The following TOR4A variants were observed in gnomAD, a reference collection of about 807,000 sequenced individuals.
The protein encoded by TOR4A is torsin family 4 member A, also known as torsin-4A.
Under a neutral mutation model 11.5 loss-of-function variants are expected in TOR4A, and 12 were observed. The ratio of observed to expected loss-of-function variants is 1.04; its 90% CI spans 0.67 to 1.69. The LOEUF (loss-of-function observed/expected upper bound fraction) is 1.69, where lower values mean the gene tolerates loss of function less well. TOR4A is among the 40% of genes most tolerant of loss of function. The pLI is 0.00. For synonymous variants in TOR4A, 362 were observed against 307.4 expected, an observed-to-expected ratio of 1.18 and a Z score of -1.86; for missense variants, 640 against 643.2, an observed-to-expected ratio of 0.99 and a Z score of 0.05.
rs762596174 is a variant in TOR4A, at chr9:137,279,401, G to A, written c.712G>A (p.Asp238Asn). Residue 238 changes from aspartate (D) to asparagine (N), a missense_variant, in exon 2 of 2, where the codon GAC (aspartate) becomes AAC (asparagine). Transcript: ENST00000357503. ...CTGCCCCGAGGCGCGCGCCGCACAG[G>A]ACTGCCGCGAGGAGCTGGCGCGGCG... ...HHCPEARAAQ[D>N]CREELARRVA... 8.5e-6 allele frequency: 13 copies of A among 1,533,288 alleles called. No homozygotes were observed. Among genetic ancestry groups the A allele is most frequent in the Non-Finnish European group, 1.1e-5 (13 of 1,141,516 alleles). The allele number at this position is 1,533,288 out of a possible 1,614,324, so 95.0% of individuals were successfully genotyped here.
rs1467979234 is a variant in TOR4A at position 137,278,869 on chromosome 9, G to A, written c.180G>A (p.Pro60=). ...ACGTCGGGACCGGGGCGCCCAGGCC[G>A]GGCTGCAGCCCCCGGGCACCGCGCG... ...GPDVGTGAPR[P]GCSPRAPRAD... is the part of the protein sequence containing the mutation. The change falls in exon 2 of 2, where the codon CCG becomes CCA. Residue 60 remains proline, a synonymous_variant. Coordinates refer to ENST00000357503, the MANE Select transcript of TOR4A (RefSeq NM_017723.3). 2 of 1,534,808 alleles carry A rather than the reference G, an allele frequency of 1.3e-6. No homozygotes were observed. Among genetic ancestry groups the A allele is most frequent in the South Asian group, 1.2e-5 (1 of 84,086 alleles).
Position 137,279,346 on chromosome 9 carries a change from G to C in TOR4A, c.657G>C (p.Ala219=). The C allele has an allele frequency of 1.3e-6, 2 of 1,531,846 alleles. No homozygotes were observed. Among genetic ancestry groups the C allele is most frequent in the Non-Finnish European group, 8.7e-7 (1 of 1,143,318 alleles). The allele number at this position is 1,531,846 out of a possible 1,614,324, so 94.9% of individuals were successfully genotyped here. ...TCCGCTCGGTGCTGGAGGACAGCGCGCTCGTGCTGCAATACCATGCGCGGC... is the reference window on the plus strand; with the variant it reads ...TCCGCTCGGTGCTGGAGGACAGCGCCCTCGTGCTGCAATACCATGCGCGGC... ...RHFRSVLEDS[A]LVLQYHARHH... Residue 219 remains alanine, a synonymous_variant, in exon 2 of 2, where the codon GCG becomes GCC. Transcript: ENST00000357503.
Position 137,279,735 on chromosome 9 carries a change from C to A in TOR4A, c.1046C>A (p.Ser349Tyr). The A allele has an allele frequency of 6.3e-7, 1 of 1,580,542 alleles. No homozygotes were observed. Residue 349 changes from serine to tyrosine, a missense_variant, in exon 2 of 2, where the codon TCC becomes TAC. Ser to Tyr is a moderately radical substitution (Grantham distance 144). Coordinates refer to ENST00000357503, the MANE Select transcript of TOR4A (RefSeq NM_017723.3). ...CGCGCCAGCCTGCTGGCTGTGCTGT[C>A]CCGGGAGCATCCGCTGTGGCAGGCC... Reference protein sequence around the residue: ...DLRASLLAVLSREHPLWQAAA... With the variant: ...DLRASLLAVLYREHPLWQAAA...
rs1263394307 is a variant in TOR4A, at chr9:137,279,365, G to C, written c.676G>C (p.Ala226Pro). 4.6e-6 allele frequency: 7 copies of C among 1,526,638 alleles called. No homozygotes were observed. The highest frequency in any genetic ancestry group is 6.1e-6 in the Non-Finnish European group (7 of 1,139,608). 94.6% of individuals were successfully genotyped at this position (1,526,638 alleles called of 1,614,324 possible). ...CAGCGCGCTCGTGCTGCAATACCAT[G>C]CGCGGCACCACTGCCCCGAGGCGCG... ...EDSALVLQYHARHHCPEARAA... is the reference protein window; with the variant it reads ...EDSALVLQYHPRHHCPEARAA... Residue 226 changes from alanine to proline, a missense_variant, in exon 2 of 2, where the codon GCG becomes CCG. Ala to Pro is a conservative substitution (Grantham distance 27). Transcript: ENST00000357503.
chr9:137,280,186 C>T lies in TOR4A; in HGVS notation c.*225C>T, dbSNP rs1830698291. 6.6e-6 allele frequency: 4 copies of T among 609,012 alleles called. No homozygotes were observed. Among genetic ancestry groups the T allele is most frequent in the South Asian group, 4.5e-5 (2 of 44,800 alleles). The allele number at this position is 609,012 out of a possible 1,614,324, so 37.7% of individuals were successfully genotyped here. ...CAGCCACCTCCCTCCCAAACTTGCC[C>T]ATTGCCCTGCTGGGCGTCCCAGGCA... On this transcript the variant is annotated 3_prime_UTR_variant, in exon 2 of 2. Coordinates refer to ENST00000357503, the MANE Select transcript of TOR4A (RefSeq NM_017723.3).
chr9:137,280,288 C>T lies in TOR4A; in HGVS notation c.*327C>T. 1 of 395,220 alleles carries T rather than the reference C, an allele frequency of 2.5e-6. No individual in the cohort carries two copies. The highest frequency in any genetic ancestry group is 4.2e-5 in the East Asian group (1 of 23,848). The allele number at this position is 395,220 out of a possible 1,614,324, so 24.5% of individuals were successfully genotyped here. A position where few individuals can be genotyped will look rare whatever the true frequency, so the allele number is the denominator to read the frequency against. On this transcript the variant is annotated 3_prime_UTR_variant, in exon 2 of 2. Transcript: ENST00000357503. ...AGGATGATCTCAGGGCCAACAATTC[C>T]CGGGGTCACACAGCTGGGACGTGAC... is the stretch of plus-strand genomic sequence containing the variant.
At chr9:137,278,529 G>T (rs1192130235) in intron 1 of TOR4A, 124 bp from the exon 2 acceptor site, 1 of 628,140 alleles carries the variant, frequency 1.6e-6, no homozygotes, top group African/African-American at 1.9e-5. Flanking sequence ...CTGGCCCTGG[G>T]GCAGCCCGGG....
intron 1 of TOR4A, 70 bp from the exon 2 acceptor site, chr9:137,278,583 C>A (rs949556928): frequency 2.7e-6 from 3 of 1,098,342 alleles, no homozygotes; most frequent in African/African-American, 3.3e-5. Context: ...ACTCCGGGGA[C>A]CGGTTCCGGC....
chr9:137,279,271 G>A lies in TOR4A; in HGVS notation c.582G>A (p.Gly194=), dbSNP rs200116009. 65 of 1,535,282 alleles carry A rather than the reference G, an allele frequency of 4.2e-5. No homozygotes were observed. Among genetic ancestry groups the A allele is most frequent in the Non-Finnish European group, 5.2e-5 (60 of 1,144,840 alleles). Residue 194 remains glycine, a synonymous_variant, in exon 2 of 2, where the codon GGG becomes GGA. Transcript: ENST00000357503. The stretch of plus-strand genomic sequence containing the variant: ...GTCCGCTCCTCCTGGCGCTGCACGG[G>A]CCCAGTGGCGTGGGCAAGAGCCACG... ...HSRPLLLALH[G]PSGVGKSHVG...
intron 1 of TOR4A, 81 bp from the exon 2 acceptor site, chr9:137,278,572 C>T: frequency 3.9e-6 from 4 of 1,015,084 alleles, no homozygotes; most frequent in African/African-American, 3.4e-5. Context: ...GGGGTAAGAT[C>T]ACTCCGGGGA....
chr9:137,280,244 G>A lies in TOR4A; in HGVS notation c.*283G>A, dbSNP rs183993367. 1.1e-4 allele frequency: 58 copies of A among 541,638 alleles called. No homozygotes were observed. The highest frequency in any genetic ancestry group is 1.1e-3 in the African/African-American group (56 of 52,964). 33.6% of individuals were successfully genotyped at this position (541,638 alleles called of 1,614,324 possible). On this transcript the variant is annotated 3_prime_UTR_variant, in exon 2 of 2. Transcript: ENST00000357503. ...GTGCGTTCTCCCTGTGGCCCCAAGA[G>A]GTGGGTTCCCATGGTACAAGGATGA...
Position 137,279,951 on chromosome 9 carries a change from A to T in TOR4A, c.1262A>T (p.Asn421Ile). Residue 421 changes from asparagine (N) to isoleucine (I), a missense_variant, in exon 2 of 2, where the codon AAC becomes ATC. Coordinates refer to ENST00000357503, the MANE Select transcript of TOR4A (RefSeq NM_017723.3). ...TGCKQVVATV[N>I]LL ...TGCAAGCAGGTGGTGGCCACGGTGA[A>T]CCTCCTGTAGTGGAGGCGCAGGACG... 6.3e-7 allele frequency: 1 copy of T among 1,577,708 alleles called. No individual in the cohort carries two copies. The highest frequency in any genetic ancestry group is 2.3e-5 in the East Asian group (1 of 42,936).
Position 137,279,219 on chromosome 9 carries a change from A to G in TOR4A, c.530A>G (p.Asp177Gly). 8 of 1,544,464 alleles carry G rather than the reference A, an allele frequency of 5.2e-6. No individual in the cohort carries two copies. The highest frequency in any genetic ancestry group is 7.0e-6 in the Non-Finnish European group (8 of 1,145,032). The change falls in exon 2 of 2, where the codon GAC becomes GGC. Residue 177 changes from aspartate (D) to glycine (G), a missense_variant. Physicochemically the swap from Asp to Gly is moderately conservative, Grantham distance 94. Transcript: ENST00000357503. ...AVSRIVALMR[D>G]YLATHVHSRP... Reference sequence around the variant, plus strand: ...TCGCGCATCGTGGCGCTGATGCGGGACTACCTGGCCACGCATGTGCACAGT... The same window carrying G: ...TCGCGCATCGTGGCGCTGATGCGGGGCTACCTGGCCACGCATGTGCACAGT...
In TOR4A at chr9:137,279,739, G is replaced by A. The variant is rs1218685657; in HGVS notation, c.1050G>A (p.Arg350=). Residue 350 remains arginine (R), a synonymous_variant, in exon 2 of 2, where the codon CGG becomes CGA. Transcript: ENST00000357503. ...CCAGCCTGCTGGCTGTGCTGTCCCG[G>A]GAGCATCCGCTGTGGCAGGCCGCGG... ...LRASLLAVLS[R]EHPLWQAAAI... 2 of 1,581,770 alleles carry A rather than the reference G, an allele frequency of 1.3e-6. No individual in the cohort carries two copies. The highest frequency in any genetic ancestry group is 8.5e-7 in the Non-Finnish European group (1 of 1,171,740).
rs906545461 is a variant in TOR4A at position 137,279,786 on chromosome 9, T to C, written c.1097T>C (p.Leu366Pro). 6.3e-7 allele frequency: 1 copy of C among 1,594,254 alleles called. No homozygotes were observed. The highest frequency in any genetic ancestry group is 8.5e-7 in the Non-Finnish European group (1 of 1,176,532). The change falls in exon 2 of 2, where the codon CTG becomes CCG. Residue 366 changes from leucine (L) to proline (P), a missense_variant. Coordinates refer to ENST00000357503, the MANE Select transcript of TOR4A (RefSeq NM_017723.3). ...GCGGCCATCGTGCCGTTTCTGCTGC[T>C]GGACAAGCGGGATGTGGTCAGCTGC... ...QAAAIVPFLL[L>P]DKRDVVSCFR...
Position 137,279,085 on chromosome 9 carries a change from C to T in TOR4A, c.396C>T (p.Phe132=). The change falls in exon 2 of 2, where the codon TTC becomes TTT. Residue 132 remains phenylalanine (F), a synonymous_variant. Transcript: ENST00000357503. ...CLLLLVAIVG[F]QVLNAIENLD... ...TGCTGCTAGTCGCCATCGTGGGCTT[C>T]CAAGTTCTCAACGCTATCGAGAACC... 6.2e-7 allele frequency: 1 copy of T among 1,603,268 alleles called. No individual in the cohort carries two copies. The highest frequency in any genetic ancestry group is 8.5e-7 in the Non-Finnish European group (1 of 1,175,344).
chr9:137,279,601 C>T lies in TOR4A; in HGVS notation c.912C>T (p.Gly304=), dbSNP rs765394116. 10 of 1,567,292 alleles carry T rather than the reference C, an allele frequency of 6.4e-6. No homozygotes were observed. The East Asian group carries it at 1.4e-4, about 22-fold the overall frequency. ...ACGTGCTCCTCAGTGGCGCGGGTGG[C>T]GCCGAGGTCACGCGCTTCGTGCTGC... ...AIYVLLSGAG[G]AEVTRFVLQN... is the part of the protein sequence containing the mutation. The change falls in exon 2 of 2, where the codon GGC becomes GGT. Residue 304 remains glycine, a synonymous_variant. Coordinates refer to ENST00000357503, the MANE Select transcript of TOR4A (RefSeq NM_017723.3).
rs1473693794 is a variant in TOR4A at position 137,278,670 on chromosome 9, C to A, written c.-20C>A. 1.7e-5 allele frequency: 23 copies of A among 1,324,898 alleles called. No homozygotes were observed. The highest frequency in any genetic ancestry group is 2.1e-5 in the Non-Finnish European group (22 of 1,039,134). The allele number at this position is 1,324,898 out of a possible 1,614,324, so 82.1% of individuals were successfully genotyped here. The stretch of plus-strand genomic sequence containing the variant: ...CGTTGCAGGGAGGGCGACCTGTATG[C>A]GGAGCGCCGTTCCTGCGACATGGAC... On this transcript the variant is annotated 5_prime_UTR_variant, in exon 2 of 2. Coordinates refer to ENST00000357503, the MANE Select transcript of TOR4A (RefSeq NM_017723.3).
At position 137,278,658 on chromosome 9, in the gene TOR4A, G is replaced by T; in HGVS notation, c.-32G>T. On this transcript the variant is annotated 5_prime_UTR_variant, in exon 2 of 2. Coordinates refer to ENST00000357503, the MANE Select transcript of TOR4A (RefSeq NM_017723.3). The stretch of plus-strand genomic sequence containing the variant: ...TCCCCGTCTTCCCGTTGCAGGGAGG[G>T]CGACCTGTATGCGGAGCGCCGTTCC... 1 of 1,302,492 alleles carries T rather than the reference G, an allele frequency of 7.7e-7. No individual in the cohort carries two copies. The highest frequency in any genetic ancestry group is 4.0e-5 in the Admixed American group (1 of 24,822). 80.7% of individuals were successfully genotyped at this position (1,302,492 alleles called of 1,614,324 possible). A position where few individuals can be genotyped will look rare whatever the true frequency, so the allele number is the denominator to read the frequency against.
Sources: allele counts gnomAD v4.1 joint callset, GRCh38; gene constraint gnomAD v4.1.1; transcripts MANE v1.5; gene names NCBI Gene and HGNC (gene_info 2026-07-23, HGNC 2026-07-21).